ATRX: variants seen among roughly 807,000 people sequenced by gnomAD.
The protein encoded by ATRX is chromatin remodeler ATRX.
Under a neutral mutation model 172.6 loss-of-function variants are expected in ATRX, and 12 were observed. The observed-to-expected ratio is 0.07, with a 90% CI of 0.04 to 0.11. The LOEUF (loss-of-function observed/expected upper bound fraction) is 0.11. Among genes scored for constraint, ATRX ranks in the 10% least tolerant of loss-of-function variants. The pLI, the probability that ATRX is intolerant of heterozygous loss-of-function variation, is 1.00. For missense variants in ATRX, 1,368 were observed against 1,767.4 expected, an observed-to-expected ratio of 0.77 and a Z score of 4.05; for synonymous variants, 674 against 594.7, an observed-to-expected ratio of 1.13 and a Z score of -1.94.
At chrX:77,663,742 T>C (rs1374045482) in intron 11 of ATRX, among the ~76,000 whole-genome samples, 184 bp from the exon 12 acceptor site, 1 of 112,142 alleles carries the variant, frequency 8.9e-6, no homozygotes, top group Non-Finnish European at 1.9e-5. Flanking sequence ...TTATTAAATA[T>C]TGACTAAATA....
At chrX:77,558,146 A>C (rs949129173) in intron 29 of ATRX, among the ~76,000 whole-genome samples, 4 of 111,272 alleles carry the variant, frequency 3.6e-5, no homozygotes, top group African/African-American at 6.5e-5. Flanking sequence ...TCCATTACAT[A>C]TAAACTACAT....
intron 28 of ATRX, among the ~76,000 whole-genome samples, chrX:77,565,303 A>T (rs1451769850): frequency 4.5e-5 from 5 of 112,070 alleles, no homozygotes; most frequent in African/African-American, 1.6e-4. Context: ...AATAAAATCC[A>T]GCATCTCATG....
Position 77,506,058 on chromosome X carries a change from C to T in ATRX, c.*2293G>A, listed in dbSNP as rs1439597231. ...ACAATATCACAATACTAAGCAAAAACGCTTTACACCCAAAGAAATAAAACA... is the reference window on the plus strand; with the variant it reads ...ACAATATCACAATACTAAGCAAAAATGCTTTACACCCAAAGAAATAAAACA... On this transcript the variant is annotated 3_prime_UTR_variant, in exon 35 of 35. Transcript: ENST00000373344. 4 of 169,005 alleles carry T rather than the reference C, an allele frequency of 2.4e-5. No homozygotes were observed. The highest frequency in any genetic ancestry group is 4.5e-5 in the Non-Finnish European group (4 of 88,220). 13.9% of individuals were successfully genotyped at this position (169,005 alleles called of 1,213,427 possible).
intron 9 of ATRX, among the ~76,000 whole-genome samples, chrX:77,678,099 A>G (rs2070991827): frequency 9.1e-6 from 1 of 110,275 alleles, no homozygotes; most frequent in African/African-American, 3.3e-5. Context: ...TCAGCTACCC[A>G]GGAGCCTGAG....
intron 6 of ATRX, among the ~76,000 whole-genome samples, chrX:77,691,725 T>A (rs1219717113): frequency 9.0e-6 from 1 of 111,717 alleles, no homozygotes; most frequent in Non-Finnish European, 1.9e-5. Context: ...GTTTCCTAAG[T>A]TAGGCTTCAA....
chrX:77,512,328 T>C (rs1284183245), intron 34 of ATRX, among the ~76,000 whole-genome samples: 1 of 112,333 alleles, frequency 8.9e-6, no homozygotes. Flanking sequence ...AAACCTGTCC[T>C]ACAAGAAATA....
intron 15 of ATRX, among the ~76,000 whole-genome samples, chrX:77,649,807 A>G (rs372371947): frequency 2.6e-4 from 29 of 112,307 alleles, no homozygotes; most frequent in African/African-American, 8.7e-4. Flanking sequence ...ACATGGAACT[A>G]TAAGTCCAAT....
At chrX:77,528,176 C>A (rs1557044712) in intron 30 of ATRX, among the ~76,000 whole-genome samples, 2 of 110,409 alleles carry the variant, frequency 1.8e-5, no homozygotes, top group East Asian at 5.8e-4. Context: ...GCGCAGCTGC[C>A]TTGCCAGATT....
At chrX:77,715,811 A>C (rs1374259328) in intron 2 of ATRX, among the ~76,000 whole-genome samples, 1 of 111,318 alleles carries the variant, frequency 9.0e-6, no homozygotes, top group East Asian at 2.8e-4. Context: ...ACTTTTAACC[A>C]AGTCTCTTTA....
At chrX:77,698,105 T>C (rs1557151077) in intron 3 of ATRX, among the ~76,000 whole-genome samples, 1 of 111,918 alleles carries the variant, frequency 8.9e-6, no homozygotes, top group Non-Finnish European at 1.9e-5. Context: ...ACCCTCATTT[T>C]GCCAGTATAA....
intron 6 of ATRX, chrX:77,690,927 TAATTAGAA>T (rs2071848669): frequency 1.8e-5 from 2 of 112,086 alleles, no homozygotes; most frequent in South Asian, 3.7e-4. Context: ...ACCACAGCAC[TAATTAGAA>T]AATTAGAAAA....
intron 16 of ATRX, 105 bp from the exon 17 acceptor site, chrX:77,634,808 A>T: frequency 1.5e-6 from 1 of 660,834 alleles, no homozygotes. Flanking sequence ...AAACAGCATT[A>T]AAAAAACACT....
chrX:77,717,025 C>A (rs1221731894), intron 2 of ATRX, 106 bp downstream of exon 2: 5 of 678,814 alleles, frequency 7.4e-6, no homozygotes, highest in Non-Finnish European at 1.1e-5. Context: ...AAACTGAAAT[C>A]TCTTTTAAAA....
chrX:77,731,021 T>A (rs1391194515), intron 1 of ATRX, among the ~76,000 whole-genome samples: 1 of 93,295 alleles, frequency 1.1e-5, no homozygotes. Flanking sequence ...ATACAAAATA[T>A]CAATAAAACA....
At chrX:77,581,954 A>T (rs1367735298) in intron 27 of ATRX, among the ~76,000 whole-genome samples, 3 of 112,285 alleles carry the variant, frequency 2.7e-5, no homozygotes, top group African/African-American at 9.7e-5. Flanking sequence ...ATTAAGAAGG[A>T]AATCAAAAAT....
At chrX:77,551,111 A>T (rs782416564) in intron 30 of ATRX, among the ~76,000 whole-genome samples, 147 of 111,861 alleles carry the variant, frequency 1.3e-3, no homozygotes, top group Non-Finnish European at 2.4e-3. Flanking sequence ...ATTGGAAAAA[A>T]CTACTTTAAA....
chrX:77,742,442 G>A (rs923371689), intron 1 of ATRX, among the ~76,000 whole-genome samples: 6 of 111,897 alleles, frequency 5.4e-5, no homozygotes, highest in African/African-American at 1.9e-4. Context: ...AAAGAAAACT[G>A]CCTTTCCCAC....
chrX:77,701,922 C>T (rs909370672), intron 2 of ATRX, among the ~76,000 whole-genome samples: 2 of 106,853 alleles, frequency 1.9e-5, no homozygotes, highest in Non-Finnish European at 3.9e-5. Context: ...AGAAATTTGC[C>T]GGGTGTGGTG....
At chrX:77,619,374 A>G (rs1332435335) in intron 20 of ATRX, among the ~76,000 whole-genome samples, 1 of 111,519 alleles carries the variant, frequency 9.0e-6, no homozygotes, top group Non-Finnish European at 1.9e-5. Flanking sequence ...AATAAATAGG[A>G]GGTAATAAGC....
Sources: allele counts gnomAD v4.1 joint callset (sites outside exome capture counted in the v4.1 genomes callset), GRCh38; gene constraint gnomAD v4.1.1; transcripts MANE v1.5; gene names NCBI Gene and HGNC (gene_info 2026-07-23, HGNC 2026-07-21).